The following MSRA variants were observed in gnomAD, a reference collection of about 807,000 sequenced individuals.
MSRA encodes the protein methionine sulfoxide reductase A, also known as mitochondrial peptide methionine sulfoxide reductase.
MSRA carries 54 observed loss-of-function variants against 31.3 expected under a neutral mutation model. The observed-to-expected ratio is 1.73, with a 90% CI of 1.39 to 2.17. The LOEUF (loss-of-function observed/expected upper bound fraction) is 2.17. Among genes scored for constraint, MSRA ranks in the 30% most tolerant of loss-of-function variants. MSRA has a pLI of 0.00. For synonymous variants in MSRA, 169 were observed against 116.5 expected (o/e 1.45, Z -2.90); for missense variants, 507 against 300.9 (o/e 1.69, Z -5.07).
chr8:10,197,829 G>T (rs1282366945), intron 1 of MSRA, among the ~76,000 whole-genome samples: 2 of 152,164 alleles, frequency 1.3e-5, no homozygotes, highest in African/African-American at 2.4e-5. Flanking sequence ...GGAAGTCCCC[G>T]AACAGCTTGA....
intron 5 of MSRA, chr8:10,320,195 C>T (rs1801968623): frequency 2.6e-6 from 1 of 391,282 alleles, no homozygotes. Flanking sequence ...TGGGCCAGGG[C>T]CAGTGGCTCA....
intron 1 of MSRA, among the ~76,000 whole-genome samples, chr8:10,111,008 C>T (rs1800238684): frequency 6.6e-6 from 1 of 152,170 alleles, no homozygotes; most frequent in Admixed American, 6.5e-5. Flanking sequence ...TTCTGTCTGA[C>T]AAGTGTGGAA....
intron 1 of MSRA, among the ~76,000 whole-genome samples, chr8:10,070,209 T>C (rs1200382999): frequency 6.6e-6 from 1 of 152,212 alleles, no homozygotes; most frequent in Non-Finnish European, 1.5e-5. Context: ...CTATGGGTCT[T>C]TGATCTTTGC....
At chr8:10,405,014 A>G (rs1225857484) in intron 5 of MSRA, among the ~76,000 whole-genome samples, 1 of 152,094 alleles carries the variant, frequency 6.6e-6, no homozygotes, top group African/African-American at 2.4e-5. Context: ...GGCCTGGGCC[A>G]CCCTGTGCTC....
intron 3 of MSRA, among the ~76,000 whole-genome samples, chr8:10,278,266 G>A (rs907255760): frequency 2.6e-5 from 4 of 152,148 alleles, no homozygotes; most frequent in Admixed American, 2.6e-4. Flanking sequence ...GCCATCTGCT[G>A]CATAAATTCC....
intron 5 of MSRA, among the ~76,000 whole-genome samples, chr8:10,323,626 A>C (rs2129140023): frequency 6.6e-6 from 1 of 152,308 alleles, no homozygotes; most frequent in African/African-American, 2.4e-5. Context: ...TTAATTAATG[A>C]GCTGCTATAA....
chr8:10,350,776 C>T (rs968826635), intron 5 of MSRA, among the ~76,000 whole-genome samples: 6 of 152,162 alleles, frequency 3.9e-5, no homozygotes, highest in African/African-American at 1.4e-4. Context: ...AGCCGACTTA[C>T]CCCCGAGGCC....
chr8:10,192,152 T>A (rs964072969), intron 1 of MSRA, among the ~76,000 whole-genome samples: 6 of 152,150 alleles, frequency 3.9e-5, no homozygotes, highest in Non-Finnish European at 7.3e-5. Flanking sequence ...AAGATGGAAG[T>A]CATAGTCTAT....
intron 1 of MSRA, among the ~76,000 whole-genome samples, chr8:10,148,447 G>A (rs1019488927): frequency 4.6e-5 from 7 of 151,684 alleles, no homozygotes; most frequent in Non-Finnish European, 1.0e-4. Context: ...AAGAGTTCCA[G>A]CCCAGCCTGG....
At position 10,385,165 on chromosome 8, in the gene MSRA, C is replaced by T. The variant is rs113679832; in HGVS notation, c.544-42983C>T. On this transcript the variant is annotated intron_variant, in intron 5 of 5. Coordinates refer to ENST00000317173, the MANE Select transcript of MSRA (RefSeq NM_012331.5). ...TGAATGGAAATTATGGGGGAAACAC[C>T]AGGAGTAAGGGGGATTGTGGCTAAA... Among the ~76,000 whole-genome samples the T allele has an allele frequency of 4.6e-4, 70 of 152,112 alleles. 1 individual carries two copies. The highest frequency in any genetic ancestry group is 1.7e-3 in the African/African-American group (69 of 41,474).
intron 1 of MSRA, among the ~76,000 whole-genome samples, chr8:10,178,832 T>A (rs1228220355): frequency 6.6e-6 from 1 of 152,184 alleles, no homozygotes; most frequent in Non-Finnish European, 1.5e-5. Context: ...ATAAAATAAC[T>A]GTTGTTTCCT....
At chr8:10,283,583 C>G (rs1419186820) in intron 3 of MSRA, among the ~76,000 whole-genome samples, 1 of 151,562 alleles carries the variant, frequency 6.6e-6, no homozygotes, top group African/African-American at 2.4e-5. Context: ...TTTTATCTCT[C>G]ACCCCCTTCC....
intron 1 of MSRA, among the ~76,000 whole-genome samples, chr8:10,147,998 A>G (rs1281211470): frequency 6.6e-6 from 1 of 152,184 alleles, no homozygotes; most frequent in African/African-American, 2.4e-5. Context: ...TGCTGCCCGT[A>G]CCTGTGCACT....
chr8:10,425,885 C>T (rs1365527474), intron 5 of MSRA, among the ~76,000 whole-genome samples: 1 of 152,228 alleles, frequency 6.6e-6, no homozygotes, highest in Non-Finnish European at 1.5e-5. Context: ...TATTTTACAT[C>T]CCTCAGTTCT....
intron 5 of MSRA, among the ~76,000 whole-genome samples, chr8:10,357,350 T>C (rs1252848130): frequency 2.0e-5 from 3 of 152,254 alleles, no homozygotes; most frequent in Non-Finnish European, 4.4e-5. Flanking sequence ...AAATGCTTAA[T>C]GCTTTCTCTC....
At chr8:10,159,358 G>C (rs1183562103) in intron 1 of MSRA, among the ~76,000 whole-genome samples, 2 of 152,176 alleles carry the variant, frequency 1.3e-5, no homozygotes, top group African/African-American at 4.8e-5. Flanking sequence ...AGGAGATCAG[G>C]AGTGGTCTCT....
At chr8:10,163,894 T>C (rs939078280) in intron 1 of MSRA, among the ~76,000 whole-genome samples, 4 of 152,236 alleles carry the variant, frequency 2.6e-5, no homozygotes, top group Admixed American at 1.3e-4. Flanking sequence ...CGGCTGTTGC[T>C]GGCCCACAGC....
intron 1 of MSRA, among the ~76,000 whole-genome samples, chr8:10,062,891 C>G (rs1190068644): frequency 1.3e-5 from 2 of 152,086 alleles, no homozygotes; most frequent in African/African-American, 2.4e-5. Context: ...GGTAGCAATT[C>G]CACCATTTCC....
chr8:10,296,642 C>T (rs1191094430), intron 3 of MSRA, among the ~76,000 whole-genome samples: 9 of 152,158 alleles, frequency 5.9e-5, no homozygotes, highest in African/African-American at 7.2e-5. Context: ...AGACTTAAGT[C>T]CCATGTGCCA....
Sources: allele counts gnomAD v4.1 joint callset (sites outside exome capture counted in the v4.1 genomes callset), GRCh38; gene constraint gnomAD v4.1.1; transcripts MANE v1.5; gene names NCBI Gene and HGNC (gene_info 2026-07-23, HGNC 2026-07-21).